RANBP2: variants seen among roughly 807,000 people sequenced by gnomAD.
The protein encoded by RANBP2 is E3 SUMO-protein ligase RanBP2.
A neutral mutation model predicts 303.6 loss-of-function variants in RANBP2; 57 were observed. The ratio of observed to expected loss-of-function variants is 0.19; its 90% CI spans 0.15 to 0.23. The LOEUF is 0.23. RANBP2 is among the 10% of genes least tolerant of loss of function. The pLI, the probability that RANBP2 is intolerant of heterozygous loss-of-function variation, is 1.00. For synonymous variants in RANBP2, 1,167 were observed against 1,301.5 expected, an observed-to-expected ratio of 0.90 and a Z score of 2.23; for missense variants, 3,138 against 3,780.8, an observed-to-expected ratio of 0.83 and a Z score of 4.46.
At chr2:109,169,690 C>T in the RANBP2 span, among the ~76,000 whole-genome samples, 1 of 151,854 alleles carries the variant, frequency 6.6e-6, no homozygotes, top group Non-Finnish European at 1.5e-5. Flanking sequence ...CATTGTTTGG[C>T]TATATCTCTC....
the RANBP2 span, among the ~76,000 whole-genome samples, chr2:109,145,575 C>G: frequency 6.6e-6 from 1 of 152,236 alleles, no homozygotes. Context: ...TCCGGGGGGC[C>G]TCACTGTTGC....
chr2:109,681,097 T>C, the RANBP2 span, among the ~76,000 whole-genome samples: 7 of 152,170 alleles, frequency 4.6e-5, no homozygotes, highest in South Asian at 2.1e-4. Context: ...AAGCAGCTAG[T>C]GTGGACTAAC....
the RANBP2 span, among the ~76,000 whole-genome samples, chr2:109,022,192 G>A: frequency 3.3e-5 from 5 of 152,336 alleles, no homozygotes; most frequent in South Asian, 8.3e-4. Context: ...AGGCAGAGGA[G>A]CAGAGGCCCA....
the RANBP2 span, among the ~76,000 whole-genome samples, chr2:109,232,358 A>G: frequency 6.6e-6 from 1 of 152,242 alleles, no homozygotes; most frequent in Non-Finnish European, 1.5e-5. Context: ...AGTTGCTAAA[A>G]GTATAAATAT....
At chr2:109,567,677 C>A in the RANBP2 span, 2 of 806,602 alleles carry the variant, frequency 2.5e-6, no homozygotes, top group Non-Finnish European at 3.7e-6. Flanking sequence ...TTTTCTCATA[C>A]TGGACTTTTT....
the RANBP2 span, among the ~76,000 whole-genome samples, chr2:109,279,167 C>T: frequency 6.6e-6 from 1 of 152,126 alleles, no homozygotes; most frequent in Admixed American, 6.6e-5. Flanking sequence ...GAGCTGTGGT[C>T]CGGATTCCAT....
At chr2:109,560,110 T>C in the RANBP2 span, among the ~76,000 whole-genome samples, 10 of 151,844 alleles carry the variant, frequency 6.6e-5, no homozygotes, top group Non-Finnish European at 1.5e-4. Context: ...TTAGTAGAGA[T>C]GGGGTTTCAC....
the RANBP2 span, among the ~76,000 whole-genome samples, chr2:109,682,846 T>C: frequency 1.3e-5 from 2 of 152,180 alleles, no homozygotes; most frequent in Non-Finnish European, 2.9e-5. Context: ...TCAACAAGCC[T>C]GGACATTTTG....
the RANBP2 span, among the ~76,000 whole-genome samples, chr2:109,248,025 T>C: frequency 5.3e-5 from 8 of 152,192 alleles, no homozygotes; most frequent in Non-Finnish European, 1.2e-4. Flanking sequence ...CTGCCAAATC[T>C]AGAGGCAACC....
chr2:109,004,462 G>A, the RANBP2 span, among the ~76,000 whole-genome samples: 2 of 152,234 alleles, frequency 1.3e-5, no homozygotes, highest in Non-Finnish European at 2.9e-5. Context: ...GGCCCAGCAA[G>A]TTGTGTTTTA....
chr2:109,562,293 C>T, the RANBP2 span, among the ~76,000 whole-genome samples: 1 of 151,602 alleles, frequency 6.6e-6, no homozygotes, highest in Non-Finnish European at 1.5e-5. Context: ...TGTCACTACC[C>T]CTCTCTTTCA....
At chr2:109,124,154 G>C in the RANBP2 span, among the ~76,000 whole-genome samples, 1 of 151,800 alleles carries the variant, frequency 6.6e-6, no homozygotes, top group Non-Finnish European at 1.5e-5. Flanking sequence ...GGGATTAAAG[G>C]CACATGCCAC....
the RANBP2 span, among the ~76,000 whole-genome samples, chr2:109,286,127 T>C: frequency 6.6e-6 from 1 of 152,214 alleles, no homozygotes; most frequent in Non-Finnish European, 1.5e-5. Context: ...CCTGCAGGCC[T>C]GGTGCTTTGT....
chr2:108,865,456 C>G, the RANBP2 span, among the ~76,000 whole-genome samples: 1 of 152,236 alleles, frequency 6.6e-6, no homozygotes, highest in Non-Finnish European at 1.5e-5. Flanking sequence ...CTTGTTTCTT[C>G]TTTTTCCTTG....
the RANBP2 span, among the ~76,000 whole-genome samples, chr2:109,452,475 G>C: frequency 6.6e-6 from 1 of 152,230 alleles, no homozygotes; most frequent in Non-Finnish European, 1.5e-5. Flanking sequence ...ATATACCTCA[G>C]TGCAGCGCAG....
At chr2:109,594,436 T>C in the RANBP2 span, among the ~76,000 whole-genome samples, 1 of 152,182 alleles carries the variant, frequency 6.6e-6, no homozygotes, top group Non-Finnish European at 1.5e-5. Context: ...TTTGTTTATA[T>C]AAATGGTAGC....
At chr2:109,657,702 T>C in the RANBP2 span, among the ~76,000 whole-genome samples, 1 of 147,406 alleles carries the variant, frequency 6.8e-6, no homozygotes, top group East Asian at 2.0e-4. Context: ...TCCACAGGCA[T>C]GAATTAGCTG....
the RANBP2 span, among the ~76,000 whole-genome samples, chr2:109,590,424 C>CT: frequency 1.2e-4 from 18 of 146,634 alleles, no homozygotes; most frequent in East Asian, 4.0e-4. Context: ...GAGGTAAATC[C>CT]TTTTTTTTTT....
the RANBP2 span, among the ~76,000 whole-genome samples, chr2:109,758,200 G>C: frequency 0.015 from 131 of 8,786 alleles, no homozygotes; most frequent in Middle Eastern, 0.056. Flanking sequence ...ATGAGGTCAG[G>C]AGTTTGAGAC....
Sources: allele counts gnomAD v4.1 joint callset (sites outside exome capture counted in the v4.1 genomes callset), GRCh38; gene constraint gnomAD v4.1.1; transcripts MANE v1.5; gene names NCBI Gene and HGNC (gene_info 2026-07-23, HGNC 2026-07-21).